Variants in UBA6 observed in about 807,000 individuals in gnomAD.
The protein encoded by UBA6 is ubiquitin like modifier activating enzyme 6.
In UBA6, 87 loss-of-function variants were observed where a neutral mutation model predicts 148.3. That is an observed-to-expected ratio of 0.59 (90% CI 0.49 to 0.70). The LOEUF (loss-of-function observed/expected upper bound fraction) is 0.70. Ranked by LOEUF, UBA6 falls within the 30% of genes least tolerant of loss-of-function variation. The pLI is 0.00. For missense variants in UBA6, 1,186 were observed against 1,241.2 expected, an observed-to-expected ratio of 0.96 and a Z score of 0.67; for synonymous variants, 376 against 401.0, an observed-to-expected ratio of 0.94 and a Z score of 0.75.
At chr4:67,669,334 G>A (rs1455065840) in intron 8 of UBA6, among the ~76,000 whole-genome samples, 1 of 152,140 alleles carries the variant, frequency 6.6e-6, no homozygotes, top group Non-Finnish European at 1.5e-5. Context: ...TCTTTGAGCA[G>A]AAAGATATAC....
intron 11 of UBA6, 144 bp downstream of exon 11, chr4:67,663,741 G>T: frequency 1.8e-6 from 1 of 549,804 alleles, no homozygotes; most frequent in South Asian, 3.1e-5. Flanking sequence ...CTTTAGATAT[G>T]TGAGTATAAC....
intron 2 of UBA6, among the ~76,000 whole-genome samples, chr4:67,687,237 T>C (rs1020256034): frequency 5.3e-5 from 8 of 151,922 alleles, no homozygotes; most frequent in Admixed American, 2.6e-4. Flanking sequence ...GGTTTCACCA[T>C]GTTGGTCAGG....
chr4:67,649,960 AGG>A (rs1490843887), intron 13 of UBA6, among the ~76,000 whole-genome samples: 1 of 152,152 alleles, frequency 6.6e-6, no homozygotes, highest in Non-Finnish European at 1.5e-5. Flanking sequence ...TTGTACACAG[AGG>A]AGAGGACAGA....
chr4:67,677,343 T>A (rs1730307471), intron 6 of UBA6, among the ~76,000 whole-genome samples: 1 of 152,188 alleles, frequency 6.6e-6, no homozygotes, highest in Non-Finnish European at 1.5e-5. Context: ...AAGAAATAAA[T>A]GCATGTTGCT....
intron 1 of UBA6, among the ~76,000 whole-genome samples, chr4:67,700,727 T>G (rs1033972238): frequency 6.6e-6 from 1 of 152,160 alleles, no homozygotes; most frequent in African/African-American, 2.4e-5. Flanking sequence ...TCACGCCAAG[T>G]GACCGAGACC....
intron 13 of UBA6, among the ~76,000 whole-genome samples, chr4:67,658,115 T>C (rs575806607): frequency 2.2e-4 from 34 of 152,256 alleles, no homozygotes; most frequent in African/African-American, 7.5e-4. Flanking sequence ...AGTTAAACCA[T>C]TGTGGAAGAT....
chr4:67,671,733 G>A (rs945289386), intron 7 of UBA6, among the ~76,000 whole-genome samples: 3 of 152,012 alleles, frequency 2.0e-5, no homozygotes, highest in Non-Finnish European at 4.4e-5. Context: ...TTGCCTTGGT[G>A]CCTAACTCAA....
intron 17 of UBA6, among the ~76,000 whole-genome samples, chr4:67,643,944 T>C (rs1018182273): frequency 6.6e-6 from 1 of 152,114 alleles, no homozygotes; most frequent in African/African-American, 2.4e-5. Flanking sequence ...TGAAGCAGTA[T>C]TTAGGAAATG....
intron 2 of UBA6, among the ~76,000 whole-genome samples, chr4:67,693,037 T>C (rs1476376396): frequency 6.6e-6 from 1 of 152,078 alleles, no homozygotes; most frequent in Admixed American, 6.5e-5. Context: ...TTTCCAGAAA[T>C]GAGAAAGCAA....
chr4:67,620,130 G>A (rs1225428967), intron 32 of UBA6, among the ~76,000 whole-genome samples: 2 of 148,182 alleles, frequency 1.3e-5, no homozygotes, highest in Non-Finnish European at 2.9e-5. Flanking sequence ...CCTCATACTT[G>A]AGTCATTCCA....
At position 67,693,130 on chromosome 4, in the gene UBA6, C is replaced by CT. The variant is rs1432177190; in HGVS notation, c.134+3514dup. Among the ~76,000 whole-genome samples the CT allele has an allele frequency of 2.0e-5, 3 of 152,154 alleles. No individual in the cohort carries two copies. In the East Asian group the frequency reaches 5.8e-4, roughly 29 times the overall value. On this transcript the variant is annotated intron_variant, in intron 2 of 32. Coordinates refer to ENST00000322244, the MANE Select transcript of UBA6 (RefSeq NM_018227.6). Reference sequence around the variant, plus strand: ...TTTCCCTACCCTTCTGCCTCCACCTCTTTTGATTCTGCCACCCCTAAGACA... The same window carrying CT: ...TTTCCCTACCCTTCTGCCTCCACCTCTTTTTGATTCTGCCACCCCTAAGACA...
At position 67,644,773 on chromosome 4, in the gene UBA6, C is replaced by A. The variant is rs1253194281; in HGVS notation, c.1401G>T (p.Gly467=). The A allele has an allele frequency of 6.3e-7, 1 of 1,598,346 alleles. No individual in the cohort carries two copies. Among genetic ancestry groups the A allele is most frequent in the Admixed American group, 1.7e-5 (1 of 59,950 alleles). The change falls in exon 17 of 33, where the codon GGG becomes GGT. Residue 467 remains glycine, a synonymous_variant. Transcript: ENST00000322244. Reference sequence around the variant, plus strand: ...ACATTTCACAGCCTATGGCTCCACACCCTACCTATGGAGGAGAAAAATGGT... The same window carrying A: ...ACATTTCACAGCCTATGGCTCCACAACCTACCTATGGAGGAGAAAAATGGT... ...KLQNLNIFLV[G]CGAIGCEMLK... is the part of the protein sequence containing the mutation.
rs746087727 is a variant in UBA6, at chr4:67,654,332, G to A, written c.1105-5121C>T. 7.9e-5 allele frequency among the ~76,000 whole-genome samples: 12 copies of A among 152,302 alleles called. No homozygotes were observed. The South Asian group carries it at 1.5e-3, about 18-fold the overall frequency. On this transcript the variant is annotated intron_variant, in intron 13 of 32. Transcript: ENST00000322244. ...AAGGGAAGTCCATCAGACTAACAGC[G>A]GATCTCTTGGCAGAAACCCTCCATG...
intron 2 of UBA6, 150 bp downstream of exon 2, chr4:67,696,495 A>G (rs1220709726): frequency 5.4e-6 from 3 of 551,168 alleles, no homozygotes. Flanking sequence ...ACACACATAT[A>G]TATACACACA....
intron 2 of UBA6, among the ~76,000 whole-genome samples, chr4:67,695,568 T>A (rs367794345): frequency 1.3e-5 from 2 of 151,884 alleles, no homozygotes; most frequent in Non-Finnish European, 2.9e-5. Flanking sequence ...ATCAAAAAAA[T>A]GTATGGTCTT....
intron 18 of UBA6, among the ~76,000 whole-genome samples, chr4:67,640,533 GGAACTCCTAACCTCAA>G (rs1219026374): frequency 7.2e-5 from 11 of 152,008 alleles, no homozygotes; most frequent in Non-Finnish European, 1.3e-4. Flanking sequence ...AGGCTGGTCG[GGAACTCCTAACCTCAA>G]GCAATCCTCC....
chr4:67,638,850 T>C lies in UBA6; in HGVS notation c.1736+93A>G. ...ACTACAATAGGAACATAAGGAATAATCAGATAATTCCGTAACTTTTCAATA... is the reference window on the plus strand; with the variant it reads ...ACTACAATAGGAACATAAGGAATAACCAGATAATTCCGTAACTTTTCAATA... On this transcript the variant is annotated intron_variant, in intron 19 of 32. Transcript: ENST00000322244. 3 of 894,712 alleles carry C rather than the reference T, an allele frequency of 3.4e-6. 1 individual carries two copies. Among genetic ancestry groups the C allele is most frequent in the South Asian group, 3.6e-5 (2 of 56,242 alleles). The allele number at this position is 894,712 out of a possible 1,614,324, so 55.4% of individuals were successfully genotyped here.
At chr4:67,692,203 C>T (rs1730710559) in intron 2 of UBA6, among the ~76,000 whole-genome samples, 1 of 152,078 alleles carries the variant, frequency 6.6e-6, no homozygotes, top group South Asian at 2.1e-4. Flanking sequence ...TCAGACACAA[C>T]ATGAGAAGCA....
chr4:67,642,641 C>T (rs887182363), intron 17 of UBA6, among the ~76,000 whole-genome samples: 8 of 152,044 alleles, frequency 5.3e-5, no homozygotes, highest in African/African-American at 1.9e-4. Flanking sequence ...TAGTAATTTT[C>T]CATTACACTA....
Sources: gnomAD v4.1 joint callset for allele counts (sites outside exome capture counted in the v4.1 genomes callset) on GRCh38, gnomAD v4.1.1 for gene constraint, MANE v1.5 for transcripts, NCBI Gene and HGNC (gene_info 2026-07-23, HGNC 2026-07-21) for gene names.